DEGS2: variants seen among roughly 807,000 people sequenced by gnomAD.
DEGS2 encodes delta 4-desaturase, sphingolipid 2.
DEGS2 carries 19 observed loss-of-function variants against 23.8 expected under a neutral mutation model. That is an observed-to-expected ratio of 0.80 (90% CI 0.56 to 1.17). The LOEUF (loss-of-function observed/expected upper bound fraction) is 1.17. DEGS2 is among the 50% of genes most tolerant of loss of function. DEGS2 has a pLI of 0.00. For synonymous variants in DEGS2, 218 were observed against 213.7 expected (o/e 1.02, Z -0.18); for missense variants, 390 against 459.5 (o/e 0.85, Z 1.38).
chr14:100,151,158 C>T (rs970789318), intron 1 of DEGS2, among the ~76,000 whole-genome samples: 9 of 152,230 alleles, frequency 5.9e-5, no homozygotes, highest in East Asian at 3.8e-4. Flanking sequence ...GAAATGGGGA[C>T]GCCATTCCTC....
chr14:100,148,833 G>A (rs1303270679), intron 2 of DEGS2, 135 bp downstream of exon 2: 5 of 1,043,852 alleles, frequency 4.8e-6, no homozygotes, highest in Non-Finnish European at 6.9e-6. Context: ...GGGGACAAGT[G>A]CAAGTGGCCA....
rs767923192 is a variant in DEGS2, at chr14:100,146,719, G to A, written c.*42C>T. The A allele has an allele frequency of 1.9e-6, 3 of 1,604,932 alleles. No individual in the cohort carries two copies. The South Asian group carries it at 3.3e-5, about 18-fold the overall frequency. On this transcript the variant is annotated 3_prime_UTR_variant, in exon 3 of 3. Transcript: ENST00000305631. ...CAGTGCTGGGGTGCAAGGCTGAGGGGCCGATGGGGGACAATGGCCACCACC... is the reference window on the plus strand; with the variant it reads ...CAGTGCTGGGGTGCAAGGCTGAGGGACCGATGGGGGACAATGGCCACCACC...
upstream of DEGS2, among the ~76,000 whole-genome samples, chr14:100,162,689 C>T (rs2140428588): frequency 6.6e-6 from 1 of 152,342 alleles, no homozygotes; most frequent in Non-Finnish European, 1.5e-5. Context: ...CGGCCAGCTA[C>T]TCTTCAGTGG....
At chr14:100,161,364 G>A (rs1448494765), upstream of DEGS2, among the ~76,000 whole-genome samples, 1 of 152,122 alleles carries the variant, frequency 6.6e-6, no homozygotes, top group Non-Finnish European at 1.5e-5. Context: ...AAGAAGACCT[G>A]GGAGTGGAAC....
chr14:100,159,685 G>A (rs1023748028), upstream of DEGS2: 69 of 591,842 alleles, frequency 1.2e-4, no homozygotes, highest in African/African-American at 1.2e-3. Context: ...TAGGGCGGGG[G>A]CGGGGTCCCG....
chr14:100,166,353 G>GGGGGGAGCCTGCCCGGGGCTGT, the DEGS2 span, among the ~76,000 whole-genome samples: 153 of 41,462 alleles, frequency 3.7e-3, 2 homozygotes, highest in Non-Finnish European at 8.7e-3. Flanking sequence ...CCGGGGCTGT[G>GGGGGGAGCCTGCCCGGGGCTGT]GGGGGAGCCT....
intron 1 of DEGS2, among the ~76,000 whole-genome samples, chr14:100,150,394 C>CG (rs1889550688): frequency 6.7e-6 from 1 of 148,692 alleles, no homozygotes; most frequent in African/African-American, 2.5e-5. Flanking sequence ...AACACCCCCC[C>CG]CCGCCCCGCC....
rs1450603709 is a variant in DEGS2, at chr14:100,144,637, G to A, written c.*2124C>T. On this transcript the variant is annotated 3_prime_UTR_variant, in exon 3 of 3. Transcript: ENST00000305631. ...CTCCTCGGCCCCACAAAGTCTCCTG[G>A]GAGGACCACCTGGCCTGCAATGGGC... The A allele has an allele frequency of 2.0e-5, 3 of 152,442 alleles. No homozygotes were observed. The highest frequency in any genetic ancestry group is 7.2e-5 in the African/African-American group (3 of 41,466). 9.4% of individuals were successfully genotyped at this position (152,442 alleles called of 1,614,324 possible). A position where few individuals can be genotyped will look rare whatever the true frequency, so the allele number is the denominator to read the frequency against.
chr14:100,157,848 G>A (rs1033813952), intron 1 of DEGS2, among the ~76,000 whole-genome samples: 4 of 152,178 alleles, frequency 2.6e-5, no homozygotes, highest in Non-Finnish European at 5.9e-5. Context: ...AACAGTTTGG[G>A]AGGCAGAGGC....
upstream of DEGS2, among the ~76,000 whole-genome samples, chr14:100,161,939 A>C (rs1240903285): frequency 7.5e-6 from 1 of 133,056 alleles, no homozygotes; most frequent in Non-Finnish European, 1.6e-5. Flanking sequence ...GCGTGGTGGC[A>C]GGCACCTGTA....
At chr14:100,150,361 A>G (rs1327963779) in intron 1 of DEGS2, among the ~76,000 whole-genome samples, 1 of 150,834 alleles carries the variant, frequency 6.6e-6, no homozygotes, top group Non-Finnish European at 1.5e-5. Flanking sequence ...GGGGCCGGCC[A>G]GCTCCAGCCC....
chr14:100,147,228 G>A (rs1889465643), intron 2 of DEGS2, among the ~76,000 whole-genome samples: 1 of 152,206 alleles, frequency 6.6e-6, no homozygotes, highest in African/African-American at 2.4e-5. Flanking sequence ...CCAGGACGCT[G>A]TGGCAGAGGC....
At position 100,159,620 on chromosome 14, in the gene DEGS2, C is replaced by A. The variant is rs1428679702; in HGVS notation, c.-33G>T. On this transcript the variant is annotated 5_prime_UTR_variant, in exon 1 of 3. Transcript: ENST00000305631. ...CGGGAGGCGCCGTTCGGAGCGCGGCCGGCTCGGCTCTGCTGCACCTGTCGC... is the reference window on the plus strand; with the variant it reads ...CGGGAGGCGCCGTTCGGAGCGCGGCAGGCTCGGCTCTGCTGCACCTGTCGC... 1.5e-6 allele frequency: 2 copies of A among 1,334,714 alleles called. No homozygotes were observed. Among genetic ancestry groups the A allele is most frequent in the South Asian group, 1.3e-5 (1 of 74,704 alleles). 82.7% of individuals were successfully genotyped at this position (1,334,714 alleles called of 1,614,324 possible). A position where few individuals can be genotyped will look rare whatever the true frequency, so the allele number is the denominator to read the frequency against.
At chr14:100,153,252 CAGATAG>C (rs1422938646) in intron 1 of DEGS2, among the ~76,000 whole-genome samples, 2 of 147,442 alleles carry the variant, frequency 1.4e-5, no homozygotes, top group African/African-American at 2.5e-5. Context: ...ATGGCAAAAA[CAGATAG>C]ATAGATAGAT....
chr14:100,151,446 AGATGCAGG>A (rs1889570208), intron 1 of DEGS2, among the ~76,000 whole-genome samples: 1 of 152,214 alleles, frequency 6.6e-6, no homozygotes, highest in South Asian at 2.1e-4. Flanking sequence ...AGGAGGGAAC[AGATGCAGG>A]GAGCCCCAGG....
the DEGS2 span, among the ~76,000 whole-genome samples, chr14:100,165,264 A>G: frequency 6.6e-6 from 1 of 151,998 alleles, no homozygotes; most frequent in Non-Finnish European, 1.5e-5. Context: ...AAATTACTCA[A>G]ACCAGCCAGT....
chr14:100,166,738 A>G, the DEGS2 span, among the ~76,000 whole-genome samples: 1 of 152,272 alleles, frequency 6.6e-6, no homozygotes, highest in South Asian at 2.1e-4. Flanking sequence ...ACTTTATCTG[A>G]TAAACACCGG....
upstream of DEGS2, among the ~76,000 whole-genome samples, chr14:100,163,903 T>G (rs1489494219): frequency 5.3e-5 from 8 of 151,458 alleles, no homozygotes; most frequent in Non-Finnish European, 8.8e-5. Context: ...TCTTTTGGGG[T>G]TTTTTTTGCA....
chr14:100,144,735 CA>C lies in DEGS2; in HGVS notation c.*2025del, dbSNP rs1889405785. 1 of 152,384 alleles carries C rather than the reference CA, an allele frequency of 6.6e-6. No individual in the cohort carries two copies. The allele number at this position is 152,384 out of a possible 1,614,324, so 9.4% of individuals were successfully genotyped here. ...ACCCTCAGCTTCAAGGAACCAGGGC[CA>C]CCAACAGGCAGGCCTTGAGATCCTG... On this transcript the variant is annotated 3_prime_UTR_variant, in exon 3 of 3. Transcript: ENST00000305631.
Sources: gnomAD v4.1 joint callset for allele counts (sites outside exome capture counted in the v4.1 genomes callset) on GRCh38, gnomAD v4.1.1 for gene constraint, MANE v1.5 for transcripts, NCBI Gene and HGNC (gene_info 2026-07-23, HGNC 2026-07-21) for gene names.